VAV1: variants seen among roughly 807,000 people sequenced by gnomAD.
VAV1 encodes the protein proto-oncogene vav.
VAV1 carries 33 observed loss-of-function variants against 128.1 expected under a neutral mutation model. The ratio of observed to expected loss-of-function variants is 0.26; its 90% CI spans 0.20 to 0.34. The LOEUF (loss-of-function observed/expected upper bound fraction) is 0.34, where lower values mean the gene tolerates loss of function less well. Among genes scored for constraint, VAV1 ranks in the 10% least tolerant of loss-of-function variants. The probability of loss-of-function intolerance (pLI) is 1.00; values close to 1 mark genes in which losing one functional copy is unlikely to be tolerated. For synonymous variants in VAV1, 394 were observed against 409.8 expected (o/e 0.96, Z 0.47); for missense variants, 715 against 1,093.7 (o/e 0.65, Z 4.88).
intron 26 of VAV1, among the ~76,000 whole-genome samples, chr19:6,856,454 G>A (rs1392859271): frequency 6.6e-6 from 1 of 152,100 alleles, no homozygotes; most frequent in Non-Finnish European, 1.5e-5. Context: ...AGGCACGGTG[G>A]CTCATGCCTG....
chr19:6,779,854 G>T (rs1351890830), intron 1 of VAV1, among the ~76,000 whole-genome samples: 1 of 150,020 alleles, frequency 6.7e-6, no homozygotes, highest in African/African-American at 2.4e-5. Flanking sequence ...ACTCACACCT[G>T]TAATTCCAGC....
At position 6,829,778 on chromosome 19, in the gene VAV1, C is replaced by T; in HGVS notation, c.1266-8C>T. The T allele has an allele frequency of 1.2e-6, 2 of 1,613,960 alleles. No homozygotes were observed. Among genetic ancestry groups the T allele is most frequent in the South Asian group, 2.2e-5 (2 of 91,076 alleles). On this transcript the variant is annotated splice_region_variant and splice_polypyrimidine_tract_variant and intron_variant, in intron 13 of 26. Transcript: ENST00000602142. ...AGCCAGACAGGAATGCGTTATCCATCCTTCCAGGTATGCCTTCCTGCTCGA... is the reference window on the plus strand; with the variant it reads ...AGCCAGACAGGAATGCGTTATCCATTCTTCCAGGTATGCCTTCCTGCTCGA...
chr19:6,812,568 T>C (rs913443318), intron 1 of VAV1, among the ~76,000 whole-genome samples: 2 of 152,210 alleles, frequency 1.3e-5, no homozygotes, highest in South Asian at 4.1e-4. Context: ...GCTGAGGCAC[T>C]TGAACCTGGG....
At chr19:6,846,765 ACTAT>A (rs1026247542) in intron 22 of VAV1, among the ~76,000 whole-genome samples, 7 of 147,662 alleles carry the variant, frequency 4.7e-5, no homozygotes, top group African/African-American at 1.2e-4. Context: ...GTTATATATA[ACTAT>A]CTATATTAAC....
chr19:6,848,860 C>T (rs574456151), intron 23 of VAV1, among the ~76,000 whole-genome samples: 46 of 151,382 alleles, frequency 3.0e-4, no homozygotes, highest in Non-Finnish European at 5.4e-4. Flanking sequence ...GTGGTGAGAT[C>T]TTAGCTCACT....
At chr19:6,832,599 TTCCTCCTATTCCTCCTCCACC>T (rs1568309666) in intron 15 of VAV1, among the ~76,000 whole-genome samples, 3 of 103,738 alleles carry the variant, frequency 2.9e-5, no homozygotes, top group Admixed American at 2.1e-4. Flanking sequence ...CCTCTTCCTC[TTCCTCCTATTCCTCCTCCACC>T]TCTTCTTCCT....
Position 6,857,215 on chromosome 19 carries a change from A to G in VAV1, c.*108A>G. ...GCTCCCGGCGGGTGGAGACTTTGGG[A>G]TGGACTGGAGGAGGCCAGCGTCCAG... On this transcript the variant is annotated 3_prime_UTR_variant, in exon 27 of 27. Transcript: ENST00000602142. 6.6e-7 allele frequency: 1 copy of G among 1,507,430 alleles called. No homozygotes were observed. Among genetic ancestry groups the G allele is most frequent in the Non-Finnish European group, 9.0e-7 (1 of 1,108,274 alleles). The allele number at this position is 1,507,430 out of a possible 1,614,324, so 93.4% of individuals were successfully genotyped here. A position where few individuals can be genotyped will look rare whatever the true frequency, so the allele number is the denominator to read the frequency against.
chr19:6,805,599 CACACACACACACACAT>C (rs1453030519), intron 1 of VAV1, among the ~76,000 whole-genome samples: 2 of 150,844 alleles, frequency 1.3e-5, no homozygotes, highest in African/African-American at 4.9e-5. Flanking sequence ...CACACACACA[CACACACACACACACAT>C]ACACGCACAC....
chr19:6,799,744 C>G lies in VAV1; in HGVS notation c.205-20958C>G, dbSNP rs143441037. Among the ~76,000 whole-genome samples, 266 of 148,768 alleles carry G rather than the reference C, an allele frequency of 1.8e-3. 1 individual carries two copies. Among genetic ancestry groups the G allele is most frequent in the African/African-American group, 6.3e-3 (255 of 40,256 alleles). On this transcript the variant is annotated intron_variant, in intron 1 of 26. Transcript: ENST00000602142. ...CCTGTAGTCCTAACTCTTTGGAAGG[C>G]TGAGGCAGGAGGATTGCTTGAGCCC...
In VAV1 at chr19:6,772,784, G is replaced by A. The variant is rs1350601676; in HGVS notation, c.-24G>A. 6.2e-7 allele frequency: 1 copy of A among 1,607,014 alleles called. No individual in the cohort carries two copies. Among genetic ancestry groups the A allele is most frequent in the Non-Finnish European group, 8.5e-7 (1 of 1,177,086 alleles). On this transcript the variant is annotated 5_prime_UTR_variant, in exon 1 of 27. Transcript: ENST00000602142. This position sits in a 1 kb window ranked among gnomAD's most constrained non-coding sequence, Gnocchi z 4.8. ...GTGGTGGAGGCTGCGAGGGTGCACG[G>A]CCGGCCCTGGGCAGGCGGTAGCCAT...
At chr19:6,774,041 C>T (rs1970563029) in intron 1 of VAV1, among the ~76,000 whole-genome samples, 1 of 152,072 alleles carries the variant, frequency 6.6e-6, no homozygotes, top group African/African-American at 2.4e-5. Context: ...GGAGATGGGC[C>T]CATGGGGGTT....
At chr19:6,813,035 C>T (rs568703028) in intron 1 of VAV1, among the ~76,000 whole-genome samples, 2 of 152,164 alleles carry the variant, frequency 1.3e-5, no homozygotes, top group Non-Finnish European at 2.9e-5. Context: ...ATCCTTGTTA[C>T]CTATTTATTG....
chr19:6,833,266 G>T lies in VAV1; in HGVS notation c.1591G>T (p.Ala531Ser). Residue 531 changes from alanine (A) to serine (S), a missense_variant, in exon 16 of 27, where the codon GCC becomes TCC. By Grantham distance (99) the Ala-to-Ser change is moderately conservative. Around this residue, in one of 3 missense-constraint regions of VAV1, gnomAD observed 407 missense variants for 580.6 expected, o/e 0.70. Transcript: ENST00000602142. ...CTTTGAGGAGACCACATCCTGCAAG[G>T]CCTGTCAGATGCTGCTTAGGTGAGA... ...FSFEETTSCK[A>S]CQMLLRGTFY... The T allele has an allele frequency of 6.2e-7, 1 of 1,612,952 alleles. No homozygotes were observed. Among genetic ancestry groups the T allele is most frequent in the Non-Finnish European group, 8.5e-7 (1 of 1,179,704 alleles).
intron 1 of VAV1, among the ~76,000 whole-genome samples, chr19:6,795,791 C>T (rs1378096679): frequency 6.6e-6 from 1 of 152,196 alleles, no homozygotes; most frequent in African/African-American, 2.4e-5. Context: ...TCAAGTGATT[C>T]TCCTGTCTCA....
intron 1 of VAV1, among the ~76,000 whole-genome samples, chr19:6,814,654 TCC>T (rs1253534141): frequency 7.0e-4 from 43 of 61,596 alleles, no homozygotes; most frequent in Non-Finnish European, 9.7e-4. Flanking sequence ...CTTCCTTCCT[TCC>T]TTCCTTCCTT....
intron 21 of VAV1, among the ~76,000 whole-genome samples, chr19:6,838,892 C>CTTTATTTATTTATTTA (rs147546726): frequency 0.018 from 2,710 of 150,060 alleles, 91 homozygotes; most frequent in African/African-American, 0.06. Context: ...TTATGCTCAG[C>CTTTATTTATTTATTTA]TTTATTTATT....
chr19:6,833,151 C>CTTTT, intron 15 of VAV1, 33 bp from the exon 16 acceptor site: 5 of 1,419,682 alleles, frequency 3.5e-6, no homozygotes, highest in South Asian at 2.5e-5. Flanking sequence ...TACTGACCTT[C>CTTTT]TTTTTTTTTT....
chr19:6,844,063 CTTTT>C (rs71177123), intron 22 of VAV1, among the ~76,000 whole-genome samples: 15 of 21,300 alleles, frequency 7.0e-4, no homozygotes, highest in East Asian at 2.3e-3. Context: ...TCTTCTTCTT[CTTTT>C]TTTTTTTTTT....
chr19:6,828,714 G>A lies in VAV1; in HGVS notation c.1179+6G>A, dbSNP rs1358001049. 7 of 1,614,222 alleles carry A rather than the reference G, an allele frequency of 4.3e-6. No individual in the cohort carries two copies. Among genetic ancestry groups the A allele is most frequent in the Non-Finnish European group, 5.9e-6 (7 of 1,180,034 alleles). On this transcript the variant is annotated splice_donor_region_variant and intron_variant, in intron 12 of 26. Coordinates refer to ENST00000602142, the MANE Select transcript of VAV1 (RefSeq NM_005428.4). The surrounding 1 kb of genome is among the most constrained non-coding windows in gnomAD (Gnocchi z 4.5). Reference sequence around the variant, plus strand: ...AGCTGTCCATTGAGAACCTGGTGAGGCGGTGGAGCCGGGTGGGCCAGGGGT... The same window carrying A: ...AGCTGTCCATTGAGAACCTGGTGAGACGGTGGAGCCGGGTGGGCCAGGGGT...
Sources: allele counts gnomAD v4.1 joint callset (sites outside exome capture counted in the v4.1 genomes callset), GRCh38; gene constraint gnomAD v4.1.1; regional missense constraint gnomAD v4.1.1; non-coding constraint Gnocchi (gnomAD v3.1); transcripts MANE v1.5; gene names NCBI Gene and HGNC (gene_info 2026-07-23, HGNC 2026-07-21).